Variants in POLR1B observed in about 807,000 individuals in gnomAD.
The protein encoded by POLR1B is DNA-directed RNA polymerase I subunit RPA2.
Under a neutral mutation model 105.8 loss-of-function variants are expected in POLR1B, and 30 were observed. The ratio of observed to expected loss-of-function variants is 0.28; its 90% CI spans 0.21 to 0.38. The LOEUF (loss-of-function observed/expected upper bound fraction) is 0.38. Among genes scored for constraint, POLR1B ranks in the 10% least tolerant of loss-of-function variants. The pLI is 1.00. For missense variants in POLR1B, 976 were observed against 1,435.8 expected (o/e 0.68, Z 5.17); for synonymous variants, 485 against 505.1 (o/e 0.96, Z 0.53).
At chr2:112,562,063 A>G (rs1684017580) in intron 9 of POLR1B, among the ~76,000 whole-genome samples, 1 of 152,126 alleles carries the variant, frequency 6.6e-6, no homozygotes, top group South Asian at 2.1e-4. Flanking sequence ...AGACTGGGCA[A>G]GGGGCACTTG....
At chr2:112,558,356 A>G (rs1683778762) in intron 8 of POLR1B, among the ~76,000 whole-genome samples, 2 of 152,176 alleles carry the variant, frequency 1.3e-5, no homozygotes, top group Admixed American at 1.3e-4. Flanking sequence ...CAGGAACTCT[A>G]GATGGGTTGC....
Position 112,575,827 on chromosome 2 carries a change from T to C in POLR1B, c.*98T>C. 1 of 1,368,310 alleles carries C rather than the reference T, an allele frequency of 7.3e-7. No individual in the cohort carries two copies. The highest frequency in any genetic ancestry group is 9.9e-7 in the Non-Finnish European group (1 of 1,008,328). 84.8% of individuals were successfully genotyped at this position (1,368,310 alleles called of 1,614,324 possible). A position where few individuals can be genotyped will look rare whatever the true frequency, so the allele number is the denominator to read the frequency against. On this transcript the variant is annotated 3_prime_UTR_variant, in exon 15 of 15. Transcript: ENST00000263331. The surrounding 1 kb of genome is among the most constrained non-coding windows in gnomAD (Gnocchi z 5.3). Reference sequence around the variant, plus strand: ...TCATTACCAGGTTACTCTTGAGATTTTTCAACGGTGTTAGAACTCTCAACC... The same window carrying C: ...TCATTACCAGGTTACTCTTGAGATTCTTCAACGGTGTTAGAACTCTCAACC...
At chr2:112,566,857 C>T (rs1684307742) in intron 10 of POLR1B, among the ~76,000 whole-genome samples, 1 of 151,980 alleles carries the variant, frequency 6.6e-6, no homozygotes. Context: ...CTCGGTCTCC[C>T]AAGTAGCTGG....
At position 112,573,958 on chromosome 2, in the gene POLR1B, C is replaced by T. The variant is rs534570381; in HGVS notation, c.2525+143C>T. 783 of 992,636 alleles carry T rather than the reference C, an allele frequency of 7.9e-4. 5 individuals are homozygous for T. The highest frequency in any genetic ancestry group is 6.9e-4 in the Non-Finnish European group (478 of 689,110). The allele number at this position is 992,636 out of a possible 1,614,324, so 61.5% of individuals were successfully genotyped here. ...ACCTCCCGGGCTCAAGCAATCCTCT[C>T]GCCTCAGCCTTTGAGTAGCTGGGAC... is the stretch of plus-strand genomic sequence containing the variant. On this transcript the variant is annotated intron_variant, in intron 14 of 14. Coordinates refer to ENST00000263331, the MANE Select transcript of POLR1B (RefSeq NM_019014.6).
At position 112,559,426 on chromosome 2, in the gene POLR1B, G is replaced by C. The variant is rs1374613448; in HGVS notation, c.1464G>C (p.Arg488Ser). The change falls in exon 9 of 15, where the codon AGG becomes AGC. Residue 488 changes from arginine (R) to serine (S), a missense_variant. By Grantham distance (110) the Arg-to-Ser change is moderately radical. Around this residue, in one of 12 missense-constraint regions of POLR1B, gnomAD observed 452 missense variants for 616.5 expected, o/e 0.73. Coordinates refer to ENST00000263331, the MANE Select transcript of POLR1B (RefSeq NM_019014.6). The part of the protein sequence containing the change: ...FAKMRTTTVR[R>S]LLPESWGFLC... ...AGATGAGGACCACCACAGTACGCAG[G>C]CTGCTGCCAGAGTCCTGGGGCTTCC... 3 of 1,614,090 alleles carry C rather than the reference G, an allele frequency of 1.9e-6. No individual in the cohort carries two copies. Among genetic ancestry groups the C allele is most frequent in the Non-Finnish European group, 2.5e-6 (3 of 1,180,054 alleles).
rs1684788866 is a variant in POLR1B at position 112,574,835 on chromosome 2, A to G, written c.2526-12A>G. ...CAAATAGGTTGACCTTATATGGTTT[A>G]CTTTTTCCTAGGAGTAAAGAAAATT... is the stretch of plus-strand genomic sequence containing the variant. On this transcript the variant is annotated splice_polypyrimidine_tract_variant and intron_variant, in intron 14 of 14. Coordinates refer to ENST00000263331, the MANE Select transcript of POLR1B (RefSeq NM_019014.6). 1 of 1,595,430 alleles carries G rather than the reference A, an allele frequency of 6.3e-7. No individual in the cohort carries two copies. The highest frequency in any genetic ancestry group is 8.6e-7 in the Non-Finnish European group (1 of 1,166,850).
intron 12 of POLR1B, among the ~76,000 whole-genome samples, chr2:112,570,455 A>G (rs1174345839): frequency 1.3e-5 from 2 of 152,232 alleles, no homozygotes; most frequent in Non-Finnish European, 2.9e-5. Context: ...ATACCTTCGA[A>G]GAAGTGAGTC....
chr2:112,553,970 T>C (rs1222102653), intron 7 of POLR1B, among the ~76,000 whole-genome samples: 1 of 152,168 alleles, frequency 6.6e-6, no homozygotes, highest in Non-Finnish European at 1.5e-5. Flanking sequence ...TTGCATCTTA[T>C]CCTCAAAAAG....
Position 112,559,462 on chromosome 2 carries a change from G to A in POLR1B, c.1500G>A (p.Val500=). The part of the protein sequence containing the change: ...LPESWGFLCP[V]HTPDGEPCGL... ...AGTCCTGGGGCTTCCTTTGTCCCGT[G>A]CATACCCCAGACGGGGAGCCCTGTG... is the stretch of plus-strand genomic sequence containing the variant. The change falls in exon 9 of 15, where the codon GTG becomes GTA. Residue 500 remains valine (V), a synonymous_variant. Coordinates refer to ENST00000263331, the MANE Select transcript of POLR1B (RefSeq NM_019014.6). 2.5e-6 allele frequency: 4 copies of A among 1,614,226 alleles called. No homozygotes were observed. In the South Asian group the frequency reaches 4.4e-5, roughly 18 times the overall value.
At chr2:112,554,742 A>G (rs1207494430) in intron 7 of POLR1B, among the ~76,000 whole-genome samples, 1 of 152,196 alleles carries the variant, frequency 6.6e-6, no homozygotes, top group Non-Finnish European at 1.5e-5. Flanking sequence ...AAAAAAAGAA[A>G]AGAAAAAGAA....
rs139378543 is a variant in POLR1B, at chr2:112,560,750, G to A, written c.1612+1176G>A. 5.8e-3 allele frequency among the ~76,000 whole-genome samples: 884 copies of A among 152,198 alleles called. 4 individuals are homozygous for A. The highest frequency in any genetic ancestry group is 0.014 in the Middle Eastern group (4 of 294). ...TGACTCAAGAAAGTTCTGCTTAAAA[G>A]TACTTCTCCCAATTAGAGTGGCCTG... On this transcript the variant is annotated intron_variant, in intron 9 of 14. Coordinates refer to ENST00000263331, the MANE Select transcript of POLR1B (RefSeq NM_019014.6).
rs927043172 is a variant in POLR1B, at chr2:112,557,622, G to T, written c.1159-288G>T. On this transcript the variant is annotated intron_variant, in intron 7 of 14. Transcript: ENST00000263331. ...AATAGGGTCTTGCCCTGTTTCCCAGGCTGGAGTGCAGTGGCACAGTCATGG... is the reference window on the plus strand; with the variant it reads ...AATAGGGTCTTGCCCTGTTTCCCAGTCTGGAGTGCAGTGGCACAGTCATGG... Among the ~76,000 whole-genome samples the T allele has an allele frequency of 5.9e-5, 9 of 152,142 alleles. 1 individual carries two copies. Among genetic ancestry groups the T allele is most frequent in the Admixed American group, 5.9e-4 (9 of 15,262 alleles).
At chr2:112,542,232 A>C (rs965211979), upstream of POLR1B, 5 of 1,535,340 alleles carry the variant, frequency 3.3e-6, no homozygotes, top group East Asian at 9.8e-5. Flanking sequence ...CGGGGAGATG[A>C]GTGGGGCGGA....
intron 1 of POLR1B, among the ~76,000 whole-genome samples, chr2:112,543,305 A>G (rs999173487): frequency 2.6e-5 from 4 of 152,182 alleles, no homozygotes; most frequent in Non-Finnish European, 4.4e-5. Flanking sequence ...GAGGATGTGG[A>G]GGAGGCAGTC....
Position 112,572,555 on chromosome 2 carries a change from C to T in POLR1B, c.2075-7C>T, listed in dbSNP as rs1027009316. Reference sequence around the variant, plus strand: ...AGAAAATGCTAAGATGTTTTTTCTCCATGTAGGTAAGCAAACTATGGGCTT... The same window carrying T: ...AGAAAATGCTAAGATGTTTTTTCTCTATGTAGGTAAGCAAACTATGGGCTT... On this transcript the variant is annotated splice_region_variant and splice_polypyrimidine_tract_variant and intron_variant, in intron 12 of 14. Transcript: ENST00000263331. 3 of 1,547,730 alleles carry T rather than the reference C, an allele frequency of 1.9e-6. No individual in the cohort carries two copies. The highest frequency in any genetic ancestry group is 2.6e-6 in the Non-Finnish European group (3 of 1,144,472).
intron 3 of POLR1B, among the ~76,000 whole-genome samples, chr2:112,547,798 G>C (rs1220469986): frequency 1.3e-5 from 2 of 151,794 alleles, no homozygotes; most frequent in Non-Finnish European, 2.9e-5. Context: ...AGAACTGGTA[G>C]GTTTTTCCCT....
intron 7 of POLR1B, among the ~76,000 whole-genome samples, chr2:112,556,268 A>T (rs529533738): frequency 5.9e-5 from 9 of 152,278 alleles, no homozygotes; most frequent in East Asian, 3.9e-4. Flanking sequence ...ACCTACATTA[A>T]TACCCTTGTT....
At chr2:112,570,923 C>A (rs1236696785) in intron 12 of POLR1B, among the ~76,000 whole-genome samples, 1 of 151,990 alleles carries the variant, frequency 6.6e-6, no homozygotes, top group Admixed American at 6.6e-5. Context: ...AGATTACAGG[C>A]ATGTGCCACC....
chr2:112,567,311 TTGTTGTTGTTG>T (rs1684337314), intron 10 of POLR1B, among the ~76,000 whole-genome samples: 1 of 151,954 alleles, frequency 6.6e-6, no homozygotes, highest in African/African-American at 2.4e-5. Context: ...GTTGTTGTTG[TTGTTGTTGTTG>T]TTTTCAGGTT....
Sources: gnomAD v4.1 joint callset for allele counts (sites outside exome capture counted in the v4.1 genomes callset) on GRCh38, gnomAD v4.1.1 for gene constraint, gnomAD v4.1.1 regional missense constraint, Gnocchi (gnomAD v3.1) non-coding constraint, MANE v1.5 for transcripts, NCBI Gene and HGNC (gene_info 2026-07-23, HGNC 2026-07-21) for gene names.